Variants in MKLN1 observed in about 807,000 individuals in gnomAD.
MKLN1 encodes the protein muskelin.
MKLN1 carries 18 observed loss-of-function variants against 99.0 expected under a neutral mutation model. The observed-to-expected ratio is 0.18, with a 90% CI of 0.13 to 0.27. The LOEUF (loss-of-function observed/expected upper bound fraction) is 0.27, where lower values mean the gene tolerates loss of function less well. MKLN1 is among the 10% of genes least tolerant of loss of function. The pLI is 1.00. For synonymous variants in MKLN1, 288 were observed against 293.2 expected (o/e 0.98, Z 0.18); for missense variants, 621 against 875.9 (o/e 0.71, Z 3.67).
intron 3 of MKLN1, among the ~76,000 whole-genome samples, chr7:131,279,838 G>A (rs770442559): frequency 3.9e-5 from 6 of 151,942 alleles, no homozygotes; most frequent in Admixed American, 6.6e-5. Context: ...AAAGTATATA[G>A]TTCAATGGTT....
intron 6 of MKLN1, among the ~76,000 whole-genome samples, chr7:131,407,858 C>G (rs1342537552): frequency 2.0e-5 from 3 of 152,038 alleles, no homozygotes; most frequent in Non-Finnish European, 4.4e-5. Context: ...ACTCCTTCCT[C>G]CTCTTAACTC....
At chr7:131,136,913 A>G (rs1795657565) in intron 1 of MKLN1, among the ~76,000 whole-genome samples, 1 of 152,152 alleles carries the variant, frequency 6.6e-6, no homozygotes, top group African/African-American at 2.4e-5. Context: ...CGCCACACCT[A>G]CCACAGTGAA....
intron 1 of MKLN1, among the ~76,000 whole-genome samples, chr7:131,345,978 A>G (rs1297145819): frequency 6.6e-6 from 1 of 152,222 alleles, no homozygotes; most frequent in Non-Finnish European, 1.5e-5. Flanking sequence ...TCAAAAACCA[A>G]AAAAGTTTAA....
At chr7:131,115,607 A>G (rs1034855001) in intron 1 of MKLN1, among the ~76,000 whole-genome samples, 2 of 151,320 alleles carry the variant, frequency 1.3e-5, no homozygotes, top group Admixed American at 1.3e-4. Flanking sequence ...TAAAGTCCAG[A>G]CTCCTCCTCC....
In MKLN1 at chr7:131,394,579, T is replaced by A. The variant is rs528641465; in HGVS notation, c.401-2688T>A. Among the ~76,000 whole-genome samples the A allele has an allele frequency of 9.9e-5, 15 of 152,136 alleles. No individual in the cohort carries two copies. In the East Asian group the frequency reaches 1.3e-3, roughly 14 times the overall value. ...TTAACACACTGCGCACCTCCTGCCA[T>A]GCGTCTGGGTTCCTAACAGGCCAGG... On this transcript the variant is annotated intron_variant, in intron 4 of 17. Coordinates refer to ENST00000352689, the MANE Select transcript of MKLN1 (RefSeq NM_013255.5).
intron 4 of MKLN1, among the ~76,000 whole-genome samples, chr7:131,390,431 T>C (rs1584687835): frequency 1.3e-5 from 2 of 152,164 alleles, no homozygotes; most frequent in East Asian, 3.8e-4. Flanking sequence ...ATGTTGCAAG[T>C]ATACAAGCAG....
At chr7:131,182,357 G>GCC (rs1344219705) in intron 2 of MKLN1, among the ~76,000 whole-genome samples, 2 of 152,188 alleles carry the variant, frequency 1.3e-5, no homozygotes, top group African/African-American at 4.8e-5. Context: ...GCTTACCACA[G>GCC]CCAAGCTGTC....
rs1794061211 is a variant in MKLN1, at chr7:131,387,254, G to A, written c.303G>A (p.Leu101=). ...GGMNEENMTE[L]LSSGLKNDYN... ...TGAATGAAGAAAATATGACAGAGCT[G>A]TTGTCCAGGTGAGTTATGGTTATGT... Residue 101 remains leucine, a synonymous_variant, in exon 3 of 18, where the codon CTG becomes CTA. Transcript: ENST00000352689. 6.2e-7 allele frequency: 1 copy of A among 1,609,708 alleles called. No homozygotes were observed. Among genetic ancestry groups the A allele is most frequent in the South Asian group, 1.1e-5 (1 of 90,206 alleles).
At chr7:131,295,132 A>G (rs1798271788) in intron 3 of MKLN1, among the ~76,000 whole-genome samples, 1 of 152,142 alleles carries the variant, frequency 6.6e-6, no homozygotes, top group Non-Finnish European at 1.5e-5. Context: ...CAAGAGAGCT[A>G]AGGTTTATTT....
At chr7:131,285,768 T>C (rs1406552919) in intron 3 of MKLN1, among the ~76,000 whole-genome samples, 1 of 152,190 alleles carries the variant, frequency 6.6e-6, no homozygotes, top group Non-Finnish European at 1.5e-5. Context: ...CACCTCTGCC[T>C]GATGCAGTCT....
At chr7:131,158,739 G>A (rs1796005133) in intron 2 of MKLN1, among the ~76,000 whole-genome samples, 2 of 152,166 alleles carry the variant, frequency 1.3e-5, no homozygotes. Context: ...AGAAAATGGT[G>A]CAAAAACTGT....
intron 1 of MKLN1, among the ~76,000 whole-genome samples, chr7:131,128,185 C>G (rs1795491617): frequency 6.7e-6 from 1 of 148,362 alleles, no homozygotes; most frequent in Non-Finnish European, 1.5e-5. Flanking sequence ...AGAGAAGGGA[C>G]CGAAGTATCG....
intron 3 of MKLN1, among the ~76,000 whole-genome samples, chr7:131,315,083 C>T (rs1798640526): frequency 1.3e-5 from 2 of 152,070 alleles, no homozygotes; most frequent in African/African-American, 4.8e-5. Flanking sequence ...TTTAATGAAG[C>T]TGGCTTTTGA....
At chr7:131,291,969 TG>T (rs1798225825) in intron 3 of MKLN1, among the ~76,000 whole-genome samples, 1 of 152,032 alleles carries the variant, frequency 6.6e-6, no homozygotes, top group Non-Finnish European at 1.5e-5. Flanking sequence ...TAGCCAGGTG[TG>T]GTGGCGTGCG....
chr7:131,439,411 T>G (rs1179791257), intron 10 of MKLN1, among the ~76,000 whole-genome samples: 2 of 152,128 alleles, frequency 1.3e-5, no homozygotes, highest in African/African-American at 4.8e-5. Context: ...TGGGTGCTGT[T>G]AAATAATGCA....
chr7:131,278,839 A>G (rs979755834), intron 3 of MKLN1, among the ~76,000 whole-genome samples: 1 of 152,000 alleles, frequency 6.6e-6, no homozygotes, highest in Non-Finnish European at 1.5e-5. Flanking sequence ...GCCTCAAGAG[A>G]TCCTCCCACC....
In MKLN1 at chr7:131,219,743, GT is replaced by G. The variant is rs200226873; in HGVS notation, c.-179+16771del. Among the ~76,000 whole-genome samples, 564 of 152,236 alleles carry G rather than the reference GT, an allele frequency of 3.7e-3. 1 individual carries two copies. The highest frequency in any genetic ancestry group is 0.013 in the African/African-American group (551 of 41,518). ...ATTTGCAATTCTGCAGCTCGCTTTT[GT>G]TCCCTCCCTCCACTGGCTGTGTCTG... On this transcript the variant is annotated intron_variant, in intron 3 of 7. Coordinates refer to the MKLN1 transcript ENST00000416992.
chr7:131,128,557 G>A (rs949355222), intron 1 of MKLN1, among the ~76,000 whole-genome samples: 6 of 152,152 alleles, frequency 3.9e-5, no homozygotes, highest in South Asian at 2.1e-4. Flanking sequence ...ATATTTCATT[G>A]CTTAGAACTT....
intron 1 of MKLN1, among the ~76,000 whole-genome samples, chr7:131,119,700 C>T (rs899303350): frequency 6.6e-6 from 1 of 152,206 alleles, no homozygotes; most frequent in South Asian, 2.1e-4. Flanking sequence ...AGGCCCAACA[C>T]CACATGGAAG....
Sources: gnomAD v4.1 joint callset for allele counts (sites outside exome capture counted in the v4.1 genomes callset) on GRCh38, gnomAD v4.1.1 for gene constraint, MANE v1.5 for transcripts, NCBI Gene and HGNC (gene_info 2026-07-23, HGNC 2026-07-21) for gene names.